The following POU3F3 variants were observed in gnomAD, a reference collection of about 807,000 sequenced individuals.
POU3F3 encodes POU domain, class 3, transcription factor 3.
POU3F3 carries 1 observed loss-of-function variant against 8.6 expected under a neutral mutation model. The observed-to-expected ratio is 0.12, with a 90% CI of 0.04 to 0.55. The LOEUF (loss-of-function observed/expected upper bound fraction) is 0.55, where lower values mean the gene tolerates loss of function less well. Among genes scored for constraint, POU3F3 ranks in the 20% least tolerant of loss-of-function variants. POU3F3 has a pLI of 0.91. For synonymous variants in POU3F3, 418 were observed against 327.4 expected (o/e 1.28, Z -2.99); for missense variants, 577 against 690.7 (o/e 0.84, Z 1.84).
In POU3F3 at chr2:104,855,635, G is replaced by T. The variant is rs1676542969; in HGVS notation, c.125G>T (p.Gly42Val). 1 of 973,746 alleles carries T rather than the reference G, an allele frequency of 1.0e-6. No homozygotes were observed. The highest frequency in any genetic ancestry group is 1.2e-6 in the Non-Finnish European group (1 of 823,738). The allele number at this position is 973,746 out of a possible 1,614,324, so 60.3% of individuals were successfully genotyped here. Residue 42 changes from glycine (G) to valine (V), a missense_variant, in exon 1 of 1, where the codon GGC becomes GTC. This residue lies in a region of POU3F3 where 484 missense variants were observed against 422.6 expected (regional missense o/e 1.15). Coordinates refer to ENST00000361360, the MANE Select transcript of POU3F3 (RefSeq NM_006236.3). ...GGTGGCGGCGGCGGCGGCGGCGGGG[G>T]CGGCGCAGGGGGCGGGGGCGGCGGC... ...GGGGGGGGGG[G>V]GAGGGGGGMQ...
At position 104,856,248 on chromosome 2, in the gene POU3F3, C is replaced by CT; in HGVS notation, c.738_739insT (p.Ala247CysfsTer393). The CT allele has an allele frequency of 7.8e-7, 1 of 1,284,004 alleles. No individual in the cohort carries two copies. Among genetic ancestry groups the CT allele is most frequent in the Non-Finnish European group, 9.8e-7 (1 of 1,025,340 alleles). The allele number at this position is 1,284,004 out of a possible 1,614,324, so 79.5% of individuals were successfully genotyped here. ...CGGGGCCCGGCGGCGGCGGCGGCGG[C>CT]GCGGGCGGTGGAGCCCAGAGCTTGG... On this transcript the variant is annotated frameshift_variant, in exon 1 of 1. Coordinates refer to ENST00000361360, the MANE Select transcript of POU3F3 (RefSeq NM_006236.3). LOFTEE classifies it high-confidence loss of function.
the POU3F3 span, among the ~76,000 whole-genome samples, chr2:104,869,308 A>C: frequency 6.6e-6 from 1 of 152,170 alleles, no homozygotes; most frequent in Non-Finnish European, 1.5e-5. Context: ...GGGGAATGTC[A>C]AGGGTGCCCT....
At chr2:104,873,268 C>G in the POU3F3 span, among the ~76,000 whole-genome samples, 1 of 152,188 alleles carries the variant, frequency 6.6e-6, no homozygotes, top group Non-Finnish European at 1.5e-5. Context: ...CCCTTTCCGC[C>G]CGCGCACCGC....
the POU3F3 span, among the ~76,000 whole-genome samples, chr2:104,896,084 G>A: frequency 6.6e-6 from 1 of 152,206 alleles, no homozygotes; most frequent in African/African-American, 2.4e-5. Flanking sequence ...CTCGAACGTG[G>A]ATACCAGGAT....
chr2:104,856,099 G>C lies in POU3F3; in HGVS notation c.589G>C (p.Ala197Pro), dbSNP rs2104340412. The change falls in exon 1 of 1, where the codon GCC becomes CCC. Residue 197 changes from alanine to proline, a missense_variant. By Grantham distance (27) the Ala-to-Pro change is conservative (BLOSUM62 -1). Transcript: ENST00000361360. ...GGCGGCCGCCGCTGCCGCAGCCGCA[G>C]CCGCCGCCGCCGCCGCCGCCGCGCA... ...WGAAAAAAAA[A>P]AAAAAAAHLP... The C allele has an allele frequency of 9.9e-7, 1 of 1,011,286 alleles. No homozygotes were observed. The highest frequency in any genetic ancestry group is 1.2e-6 in the Non-Finnish European group (1 of 848,994). 62.6% of individuals were successfully genotyped at this position (1,011,286 alleles called of 1,614,324 possible).
chr2:104,860,752 C>CTTTTTTT (rs1178339577), downstream of POU3F3, among the ~76,000 whole-genome samples: 2 of 50,244 alleles, frequency 4.0e-5, no homozygotes, highest in Non-Finnish European at 6.8e-5. Flanking sequence ...GTTGCTCTGC[C>CTTTTTTT]TTTTTTTTTT....
chr2:104,880,969 A>G, the POU3F3 span, among the ~76,000 whole-genome samples: 2 of 152,240 alleles, frequency 1.3e-5, no homozygotes, highest in African/African-American at 4.8e-5. Context: ...TAAGACAAAG[A>G]CAGTGTATCA....
At chr2:104,911,536 A>G in the POU3F3 span, among the ~76,000 whole-genome samples, 1 of 152,134 alleles carries the variant, frequency 6.6e-6, no homozygotes, top group African/African-American at 2.4e-5. Context: ...GGAACATAAG[A>G]GAAGTGTGGT....
At chr2:104,870,743 C>T in the POU3F3 span, among the ~76,000 whole-genome samples, 13 of 152,248 alleles carry the variant, frequency 8.5e-5, no homozygotes, top group South Asian at 2.7e-3. Context: ...AAATTTATTC[C>T]CTTCCTCCCT....
downstream of POU3F3, among the ~76,000 whole-genome samples, chr2:104,861,180 G>T (rs967294702): frequency 4.6e-5 from 7 of 152,032 alleles, no homozygotes; most frequent in Non-Finnish European, 1.0e-4. Flanking sequence ...TAAGAGACGG[G>T]CATATTTGCA....
the POU3F3 span, among the ~76,000 whole-genome samples, chr2:104,927,434 T>G: frequency 2.0e-5 from 3 of 152,060 alleles, no homozygotes; most frequent in Non-Finnish European, 4.4e-5. Flanking sequence ...GATTTAACTC[T>G]CTGATAAATA....
chr2:104,902,553 T>A, the POU3F3 span, among the ~76,000 whole-genome samples: 4 of 152,226 alleles, frequency 2.6e-5, no homozygotes, highest in Non-Finnish European at 4.4e-5. Context: ...ATAGACCATG[T>A]GGACTGTACA....
At chr2:104,853,983 C>G (rs1357202358), upstream of POU3F3, among the ~76,000 whole-genome samples, 1 of 152,172 alleles carries the variant, frequency 6.6e-6, no homozygotes, top group Non-Finnish European at 1.5e-5. Context: ...AGGGGGGCCT[C>G]GCGTCCTGAG....
chr2:104,855,194 C>T lies in POU3F3; in HGVS notation c.-317C>T, dbSNP rs1449013456. Among the ~76,000 whole-genome samples, 1 of 151,642 alleles carries T rather than the reference C, an allele frequency of 6.6e-6. No homozygotes were observed. The highest frequency in any genetic ancestry group is 2.4e-5 in the African/African-American group (1 of 41,382). On this transcript the variant is annotated 5_prime_UTR_variant, in exon 1 of 1. Transcript: ENST00000361360. Reference sequence around the variant, plus strand: ...CACCCCGAGAAGCGAGCCCCCCTCCCCAGAGCGCTGCTCCTGCGGCTGCTG... The same window carrying T: ...CACCCCGAGAAGCGAGCCCCCCTCCTCAGAGCGCTGCTCCTGCGGCTGCTG...
In POU3F3 at chr2:104,856,355, C is replaced by T; in HGVS notation, c.845C>T (p.Pro282Leu). 7 of 1,521,932 alleles carry T rather than the reference C, an allele frequency of 4.6e-6. No homozygotes were observed. The highest frequency in any genetic ancestry group is 6.1e-6 in the Non-Finnish European group (7 of 1,139,568). 94.3% of individuals were successfully genotyped at this position (1,521,932 alleles called of 1,614,324 possible). A position where few individuals can be genotyped will look rare whatever the true frequency, so the allele number is the denominator to read the frequency against. Residue 282 changes from proline (P) to leucine (L), a missense_variant, in exon 1 of 1, where the codon CCG (proline) becomes CTG (leucine). Around this residue, in one of 7 missense-constraint regions of POU3F3, gnomAD observed 484 missense variants for 422.6 expected, o/e 1.15. Transcript: ENST00000361360. ...CACCACCACCACGCGCATCCTCACC[C>T]GCCGCACCCGCACCACGCGCAGGGA... The part of the protein sequence containing the change: ...HHHHHHAHPH[P>L]PHPHHAQGPP...
the POU3F3 span, among the ~76,000 whole-genome samples, chr2:104,894,522 TG>T: frequency 3.3e-4 from 50 of 152,268 alleles, no homozygotes; most frequent in South Asian, 0.01. Flanking sequence ...CCCTGTAGCC[TG>T]CCTGCACGAG....
At chr2:104,872,564 C>A in the POU3F3 span, 1 of 319,356 alleles carries the variant, frequency 3.1e-6, no homozygotes, top group Non-Finnish European at 6.1e-6. This position sits in a 1 kb window ranked among gnomAD's most constrained non-coding sequence, Gnocchi z 4.6. Flanking sequence ...CCCGAGTTCC[C>A]GCGGCGGCCA....
At chr2:104,896,740 G>A in the POU3F3 span, among the ~76,000 whole-genome samples, 1 of 152,228 alleles carries the variant, frequency 6.6e-6, no homozygotes, top group South Asian at 2.1e-4. Flanking sequence ...CCTTGGTGAA[G>A]CCTGAGTGCT....
chr2:104,905,192 T>C, the POU3F3 span, among the ~76,000 whole-genome samples: 5 of 152,350 alleles, frequency 3.3e-5, no homozygotes, highest in African/African-American at 9.6e-5. Context: ...ATTGATTTTG[T>C]TGGATTCCAC....
Sources: gnomAD v4.1 joint callset for allele counts (sites outside exome capture counted in the v4.1 genomes callset) on GRCh38, gnomAD v4.1.1 for gene constraint, gnomAD v4.1.1 regional missense constraint, Gnocchi (gnomAD v3.1) non-coding constraint, MANE v1.5 for transcripts, NCBI Gene and HGNC (gene_info 2026-07-23, HGNC 2026-07-21) for gene names.